Variants in CTNNA2 observed in about 807,000 individuals in gnomAD.
The protein encoded by CTNNA2 is catenin alpha-2.
CTNNA2 carries 42 observed loss-of-function variants against 101.0 expected under a neutral mutation model. The ratio of observed to expected loss-of-function variants is 0.42; its 90% CI spans 0.32 to 0.54. CTNNA2 has a LOEUF of 0.54. Among genes scored for constraint, CTNNA2 ranks in the 20% least tolerant of loss-of-function variants. The probability of loss-of-function intolerance (pLI) is 0.14; values close to 1 mark genes in which losing one functional copy is unlikely to be tolerated. For missense variants in CTNNA2, 871 were observed against 1,223.1 expected, an observed-to-expected ratio of 0.71 and a Z score of 4.29; for synonymous variants, 450 against 456.4, an observed-to-expected ratio of 0.99 and a Z score of 0.18.
At chr2:79,760,499 A>G (rs979405829) in intron 3 of CTNNA2, among the ~76,000 whole-genome samples, 1 of 152,132 alleles carries the variant, frequency 6.6e-6, no homozygotes, top group Non-Finnish European at 1.5e-5. Context: ...CTTCTTTTCC[A>G]GCAGACCTCG....
chr2:79,632,911 G>A (rs1360755728), intron 1 of CTNNA2, among the ~76,000 whole-genome samples: 1 of 152,194 alleles, frequency 6.6e-6, no homozygotes, highest in Non-Finnish European at 1.5e-5. Flanking sequence ...GGCTATTGTG[G>A]TGAAAGAGCA....
At chr2:80,373,333 A>T (rs1452672359) in intron 7 of CTNNA2, among the ~76,000 whole-genome samples, 3 of 152,164 alleles carry the variant, frequency 2.0e-5, no homozygotes, top group African/African-American at 7.2e-5. Context: ...TCAAGCACAC[A>T]GCTACCCACT....
At position 79,453,026 on chromosome 2, in the gene CTNNA2, A is replaced by G. The variant is rs116260985; in HGVS notation, c.-134-52028A>G. ...AAAGTTATCTTCCTGAAACATTAAA[A>G]TTTGGAAAATTTGGAGAAACTGGAA... On this transcript the variant is annotated intron_variant, in intron 4 of 21. Transcript: ENST00000466387. Among the ~76,000 whole-genome samples the G allele has an allele frequency of 4.9e-3, 744 of 152,260 alleles. 10 individuals are homozygous for G. The highest frequency in any genetic ancestry group is 0.017 in the African/African-American group (702 of 41,570).
At chr2:79,658,476 G>C (rs17716115) in intron 2 of CTNNA2, among the ~76,000 whole-genome samples, 1 of 151,886 alleles carries the variant, frequency 6.6e-6, no homozygotes, top group Non-Finnish European at 1.5e-5. Context: ...ATCTAATACA[G>C]GGATTCATTT....
intron 2 of CTNNA2, among the ~76,000 whole-genome samples, chr2:79,235,934 C>T (rs1220599667): frequency 6.6e-6 from 1 of 152,144 alleles, no homozygotes; most frequent in Non-Finnish European, 1.5e-5. Flanking sequence ...AGGACGCTAC[C>T]CCACTGGCTG....
chr2:80,456,437 G>C (rs553015546), intron 9 of CTNNA2, among the ~76,000 whole-genome samples: 1 of 152,130 alleles, frequency 6.6e-6, no homozygotes, highest in Non-Finnish European at 1.5e-5. Flanking sequence ...GGTGGACTGG[G>C]GTGCTATTGG....
chr2:80,225,328 T>A (rs1023816802), intron 7 of CTNNA2, among the ~76,000 whole-genome samples: 4 of 152,188 alleles, frequency 2.6e-5, no homozygotes, highest in Non-Finnish European at 5.9e-5. Flanking sequence ...CAGGTCACAC[T>A]TTGTGAAGAG....
intron 2 of CTNNA2, among the ~76,000 whole-genome samples, chr2:79,284,734 G>C (rs1474837040): frequency 1.3e-5 from 2 of 150,990 alleles, no homozygotes; most frequent in South Asian, 4.2e-4. Context: ...TTTTGGTTGT[G>C]TCTCTGCCTG....
chr2:79,242,989 T>TACACACACACAC (rs1443193633), intron 2 of CTNNA2, among the ~76,000 whole-genome samples: 1 of 92,108 alleles, frequency 1.1e-5, no homozygotes, highest in African/African-American at 3.5e-5. Context: ...TATATATATA[T>TACACACACACAC]ATATACACAC....
chr2:80,057,042 AAATT>A lies in CTNNA2; in HGVS notation c.1056+147250_1056+147253del, dbSNP rs555111120. Among the ~76,000 whole-genome samples, 63 of 152,336 alleles carry A rather than the reference AAATT, an allele frequency of 4.1e-4. 1 individual carries two copies. The South Asian group carries it at 0.012, about 29-fold the overall frequency. ...AACGGGTGAAGTTAACTCATTTAAA[AAATT>A]AATTCATTCTTTATATTTTTGTCAA... On this transcript the variant is annotated intron_variant, in intron 7 of 18. Transcript: ENST00000402739.
chr2:80,263,118 T>C (rs1187512629), intron 7 of CTNNA2, among the ~76,000 whole-genome samples: 1 of 152,124 alleles, frequency 6.6e-6, no homozygotes, highest in Non-Finnish European at 1.5e-5. Context: ...GGAGAGTTTG[T>C]ACATAATTGC....
chr2:80,279,379 G>T (rs1285408090), intron 7 of CTNNA2, among the ~76,000 whole-genome samples: 1 of 152,042 alleles, frequency 6.6e-6, no homozygotes, highest in Non-Finnish European at 1.5e-5. Context: ...CTCCAGGATT[G>T]GTACTGGCCT....
At chr2:79,497,157 C>T (rs908075878) in intron 4 of CTNNA2, among the ~76,000 whole-genome samples, 7 of 152,174 alleles carry the variant, frequency 4.6e-5, no homozygotes, top group African/African-American at 1.7e-4. Flanking sequence ...TCCCACAGTC[C>T]CACATGGCAG....
At chr2:80,472,614 C>T (rs778760122) in intron 9 of CTNNA2, among the ~76,000 whole-genome samples, 6 of 152,186 alleles carry the variant, frequency 3.9e-5, no homozygotes, top group East Asian at 3.9e-4. Context: ...TGTACATTCA[C>T]GGGGTTGGAT....
At chr2:79,242,740 G>T (rs1674642885) in intron 2 of CTNNA2, among the ~76,000 whole-genome samples, 1 of 152,034 alleles carries the variant, frequency 6.6e-6, no homozygotes, top group Non-Finnish European at 1.5e-5. Context: ...GGAGAATATG[G>T]GAGAACTGCT....
intron 7 of CTNNA2, among the ~76,000 whole-genome samples, chr2:80,033,820 G>A (rs530497984): frequency 1.2e-3 from 186 of 152,152 alleles, no homozygotes; most frequent in African/African-American, 4.3e-3. Flanking sequence ...GAAATTCAGT[G>A]TATGAAAATG....
intron 12 of CTNNA2, among the ~76,000 whole-genome samples, chr2:80,557,773 TG>T: frequency 6.6e-6 from 1 of 152,302 alleles, no homozygotes; most frequent in Non-Finnish European, 1.5e-5. Context: ...CAAGGACAAT[TG>T]CTTAGTTGAT....
intron 7 of CTNNA2, among the ~76,000 whole-genome samples, chr2:80,295,342 T>G (rs1289922140): frequency 6.6e-6 from 1 of 152,038 alleles, no homozygotes; most frequent in African/African-American, 2.4e-5. Flanking sequence ...CTTCTGCACA[T>G]TCTAAAAACC....
chr2:79,633,202 C>A (rs906036878), intron 1 of CTNNA2, among the ~76,000 whole-genome samples: 5 of 152,104 alleles, frequency 3.3e-5, no homozygotes, highest in Admixed American at 3.3e-4. Flanking sequence ...GTATGATTAT[C>A]ATAAGAGACA....
Sources: gnomAD v4.1 joint callset for allele counts (sites outside exome capture counted in the v4.1 genomes callset) on GRCh38, gnomAD v4.1.1 for gene constraint, MANE v1.5 for transcripts, NCBI Gene and HGNC (gene_info 2026-07-23, HGNC 2026-07-21) for gene names.